Variants in CHST11 observed in about 807,000 individuals in gnomAD.
CHST11 encodes carbohydrate sulfotransferase 11, also known as C4S-1.
Under a neutral mutation model 30.4 loss-of-function variants are expected in CHST11, and 9 were observed. The observed-to-expected ratio is 0.30, with a 90% CI of 0.18 to 0.52. The LOEUF is 0.52. CHST11 is among the 20% of genes least tolerant of loss of function. The pLI, the probability that CHST11 is intolerant of heterozygous loss-of-function variation, is 0.97. For synonymous variants in CHST11, 152 were observed against 187.8 expected (o/e 0.81, Z 1.56); for missense variants, 348 against 460.6 (o/e 0.76, Z 2.24).
intron 1 of CHST11, among the ~76,000 whole-genome samples, chr12:104,570,693 C>CT (rs55750051): frequency 0.045 from 6,426 of 141,260 alleles, 471 homozygotes; most frequent in African/African-American, 0.15. Context: ...AGCCACTGCA[C>CT]TTTTTTTTTT....
In CHST11 at chr12:104,601,891, A is replaced by T; in HGVS notation, c.119-15A>T. 6.2e-7 allele frequency: 1 copy of T among 1,605,064 alleles called. No homozygotes were observed. Among genetic ancestry groups the T allele is most frequent in the Non-Finnish European group, 8.5e-7 (1 of 1,173,988 alleles). Reference sequence around the variant, plus strand: ...TGTTGCTCATTTCTGATGAGCCTTCACTTTCTTTCCTCAGTCATGCGGAGG... The same window carrying T: ...TGTTGCTCATTTCTGATGAGCCTTCTCTTTCTTTCCTCAGTCATGCGGAGG... On this transcript the variant is annotated splice_polypyrimidine_tract_variant and intron_variant, in intron 1 of 2. Transcript: ENST00000303694.
intron 2 of CHST11, among the ~76,000 whole-genome samples, chr12:104,680,891 G>A (rs2039789213): frequency 6.6e-6 from 1 of 152,252 alleles, no homozygotes; most frequent in African/African-American, 2.4e-5. Context: ...GGGGCAGACA[G>A]ATCTTAGGTT....
intron 1 of CHST11, among the ~76,000 whole-genome samples, chr12:104,583,459 G>T (rs552336011): frequency 1.3e-5 from 2 of 152,182 alleles, no homozygotes; most frequent in East Asian, 3.9e-4. Context: ...AGCTCCAATG[G>T]CCTTTTCCCT....
chr12:104,681,176 A>T (rs1000164736), intron 2 of CHST11, among the ~76,000 whole-genome samples: 2 of 152,248 alleles, frequency 1.3e-5, no homozygotes, highest in Non-Finnish European at 2.9e-5. Flanking sequence ...CAGTGAGTAC[A>T]GCTGGGCTGT....
At chr12:104,722,688 G>A (rs981572278) in intron 2 of CHST11, among the ~76,000 whole-genome samples, 2 of 152,022 alleles carry the variant, frequency 1.3e-5, no homozygotes, top group African/African-American at 2.4e-5. Context: ...GTCTGGAGTC[G>A]TTGCTGGAAA....
chr12:104,758,951 G>A lies in CHST11; in HGVS notation c.*1148G>A, dbSNP rs936528675. 3 of 152,314 alleles carry A rather than the reference G, an allele frequency of 2.0e-5. No individual in the cohort carries two copies. Among genetic ancestry groups the A allele is most frequent in the South Asian group, 2.1e-4 (1 of 4,820 alleles). The allele number at this position is 152,314 out of a possible 1,614,324, so 9.4% of individuals were successfully genotyped here. ...TCCAGGCACAGTGTGGAAGAGTGCT[G>A]TGGTTGATTAGCAATGTCTGCCTTG... On this transcript the variant is annotated 3_prime_UTR_variant, in exon 3 of 3. Transcript: ENST00000303694.
chr12:104,757,695 A>C lies in CHST11; in HGVS notation c.951A>C (p.Glu317Asp), dbSNP rs761251103. 2.5e-6 allele frequency: 4 copies of C among 1,614,200 alleles called. No homozygotes were observed. Among genetic ancestry groups the C allele is most frequent in the Admixed American group, 1.7e-5 (1 of 60,016 alleles). Residue 317 changes from glutamate to aspartate, a missense_variant, in exon 3 of 3, where the codon GAA (glutamate) becomes GAC (aspartate). This residue lies in a region of CHST11 where 210 missense variants were observed against 287.2 expected (regional missense o/e 0.73). Transcript: ENST00000303694. The surrounding 1 kb of genome is among the most constrained non-coding windows in gnomAD (Gnocchi z 6.5). ...GAACTACTGATGAAATGACCACAGAATTCTTCCAGAACATCAGCTCAGAGC... is the reference window on the plus strand; with the variant it reads ...GAACTACTGATGAAATGACCACAGACTTCTTCCAGAACATCAGCTCAGAGC... ...STRTTDEMTT[E>D]FFQNISSEHQ...
At chr12:104,642,385 C>A (rs1210464590) in intron 2 of CHST11, among the ~76,000 whole-genome samples, 2 of 152,032 alleles carry the variant, frequency 1.3e-5, no homozygotes, top group Non-Finnish European at 2.9e-5. Context: ...TCTTTTTTTA[C>A]TTTTTACAAA....
Position 104,701,256 on chromosome 12 carries a change from C to T in CHST11, c.205-55693C>T, listed in dbSNP as rs187974690. Among the ~76,000 whole-genome samples, 632 of 152,280 alleles carry T rather than the reference C, an allele frequency of 4.2e-3. 2 individuals carry two copies. Among genetic ancestry groups the T allele is most frequent in the Non-Finnish European group, 7.4e-3 (506 of 68,008 alleles). ...TGTCTTTCTGCCCAGAATGTGTCCC[C>T]TCTTTCTACTGACTCAGTTCTCTCC... On this transcript the variant is annotated intron_variant, in intron 2 of 2. Transcript: ENST00000303694.
At chr12:104,648,335 A>G (rs377342578) in intron 2 of CHST11, among the ~76,000 whole-genome samples, 14 of 152,318 alleles carry the variant, frequency 9.2e-5, no homozygotes, top group African/African-American at 2.9e-4. Context: ...CAAAGTTACA[A>G]CTTAGGAGCA....
chr12:104,671,090 A>G (rs1390160219), intron 2 of CHST11, among the ~76,000 whole-genome samples: 1 of 152,240 alleles, frequency 6.6e-6, no homozygotes, highest in Non-Finnish European at 1.5e-5. Context: ...ACTGGAGATG[A>G]GATGGTAGAG....
chr12:104,482,354 G>C (rs76886335), intron 1 of CHST11, among the ~76,000 whole-genome samples: 4,040 of 27,482 alleles, frequency 0.15, 162 homozygotes, highest in African/African-American at 0.43. Flanking sequence ...GCCCCCCCCC[G>C]CAAAAATGAA....
intron 2 of CHST11, among the ~76,000 whole-genome samples, chr12:104,718,358 C>T (rs1051888997): frequency 7.9e-5 from 12 of 152,086 alleles, no homozygotes; most frequent in East Asian, 3.9e-4. Context: ...CTACCATTCA[C>T]GCACATTGTT....
intron 1 of CHST11, among the ~76,000 whole-genome samples, chr12:104,494,529 G>T (rs756768191): frequency 1.3e-4 from 20 of 152,232 alleles, no homozygotes; most frequent in South Asian, 4.1e-4. Context: ...TCCGTTCTAA[G>T]TCAGAATATT....
chr12:104,681,081 C>A (rs1312110655), intron 2 of CHST11, among the ~76,000 whole-genome samples: 2 of 152,218 alleles, frequency 1.3e-5, no homozygotes, highest in African/African-American at 4.8e-5. Flanking sequence ...TAAAGGTTCT[C>A]TCTTCTTGCA....
At chr12:104,693,322 G>A (rs373615216) in intron 2 of CHST11, among the ~76,000 whole-genome samples, 4 of 152,216 alleles carry the variant, frequency 2.6e-5, no homozygotes, top group African/African-American at 9.6e-5. Flanking sequence ...ACTGAAAAAT[G>A]GAGGGCTGAG....
chr12:104,663,080 C>T (rs1566028056), intron 2 of CHST11, among the ~76,000 whole-genome samples: 1 of 152,206 alleles, frequency 6.6e-6, no homozygotes, highest in African/African-American at 2.4e-5. Context: ...GGGAGTGCCC[C>T]GAGGGATTGG....
chr12:104,746,658 G>A (rs577572061), intron 2 of CHST11, among the ~76,000 whole-genome samples: 1 of 152,184 alleles, frequency 6.6e-6, no homozygotes, highest in Non-Finnish European at 1.5e-5. Context: ...TCAAACAGGT[G>A]CTTCCCTAGT....
At chr12:104,457,785 G>GTTTTTT (rs35612022) in intron 1 of CHST11, among the ~76,000 whole-genome samples, 6 of 137,674 alleles carry the variant, frequency 4.4e-5, no homozygotes, top group South Asian at 4.8e-4. Flanking sequence ...AGGGGCGGTA[G>GTTTTTT]TTTTTTTTTT....
Sources: allele counts gnomAD v4.1 joint callset (sites outside exome capture counted in the v4.1 genomes callset), GRCh38; gene constraint gnomAD v4.1.1; regional missense constraint gnomAD v4.1.1; non-coding constraint Gnocchi (gnomAD v3.1); transcripts MANE v1.5; gene names NCBI Gene and HGNC (gene_info 2026-07-23, HGNC 2026-07-21).